The following TPD52L1 variants were observed in gnomAD, a reference collection of about 807,000 sequenced individuals.
The protein encoded by TPD52L1 is tumor protein D53.
Under a neutral mutation model 28.7 loss-of-function variants are expected in TPD52L1, and 18 were observed. The observed-to-expected ratio is 0.63, with a 90% CI of 0.43 to 0.93. TPD52L1 has a LOEUF of 0.93. Among genes scored for constraint, TPD52L1 ranks in the 40% least tolerant of loss-of-function variants. The probability of loss-of-function intolerance (pLI) is 0.00; values close to 1 mark genes in which losing one functional copy is unlikely to be tolerated. For missense variants in TPD52L1, 203 were observed against 254.8 expected (o/e 0.80, Z 1.39); for synonymous variants, 75 against 88.8 (o/e 0.84, Z 0.88).
intron 1 of TPD52L1, among the ~76,000 whole-genome samples, chr6:125,194,018 G>C (rs566612979): frequency 6.8e-5 from 9 of 131,790 alleles, no homozygotes; most frequent in African/African-American, 2.8e-4. Flanking sequence ...AAAGTCTTCT[G>C]AATAGTTTTT....
chr6:125,181,448 T>A (rs1792192747), intron 1 of TPD52L1, among the ~76,000 whole-genome samples: 1 of 152,212 alleles, frequency 6.6e-6, no homozygotes, highest in Non-Finnish European at 1.5e-5. Context: ...ATGTATATGC[T>A]GTCCATTTTC....
intron 1 of TPD52L1, among the ~76,000 whole-genome samples, chr6:125,169,194 C>T (rs574581090): frequency 6.6e-6 from 1 of 152,286 alleles, no homozygotes; most frequent in East Asian, 1.9e-4. Context: ...CAGTTCTCCT[C>T]CTTCTTCTCA....
chr6:125,204,514 C>G (rs1043914640), intron 1 of TPD52L1, among the ~76,000 whole-genome samples: 4 of 152,020 alleles, frequency 2.6e-5, no homozygotes, highest in African/African-American at 7.2e-5. Context: ...GAGTCTCACT[C>G]TGTCGCCCAG....
chr6:125,164,657 G>T (rs1790757515), intron 1 of TPD52L1, among the ~76,000 whole-genome samples: 1 of 151,922 alleles, frequency 6.6e-6, no homozygotes, highest in South Asian at 2.1e-4. Context: ...ATAATTACTT[G>T]TTTACACGAA....
intron 1 of TPD52L1, among the ~76,000 whole-genome samples, chr6:125,165,748 C>T (rs1460875649): frequency 6.6e-6 from 1 of 152,060 alleles, no homozygotes; most frequent in Non-Finnish European, 1.5e-5. Flanking sequence ...ATAGCAAGAG[C>T]GTCTTGTCAA....
intron 1 of TPD52L1, among the ~76,000 whole-genome samples, chr6:125,169,495 C>T (rs535508813): frequency 1.4e-4 from 22 of 152,328 alleles, no homozygotes; most frequent in Non-Finnish European, 2.8e-4. Flanking sequence ...AGTTCATCCT[C>T]ATTTCAGTTA....
intron 4 of TPD52L1, chr6:125,251,878 G>A (rs1797289133): frequency 1.4e-6 from 1 of 720,782 alleles, no homozygotes; most frequent in Non-Finnish European, 2.3e-6. Context: ...TAAAAAGTCA[G>A]TGTAATCAAG....
chr6:125,154,446 G>A, intron 1 of TPD52L1: 2 of 987,118 alleles, frequency 2.0e-6, no homozygotes, highest in Non-Finnish European at 2.4e-6. Context: ...TCCGCAGCCC[G>A]GCTGCGCGAG....
chr6:125,190,085 G>A (rs1792933655), intron 1 of TPD52L1, among the ~76,000 whole-genome samples: 1 of 152,024 alleles, frequency 6.6e-6, no homozygotes, highest in Admixed American at 6.6e-5. Flanking sequence ...TAAGACATTT[G>A]CCATGTCTTT....
intron 1 of TPD52L1, chr6:125,214,528 CTTTT>C: frequency 1.2e-6 from 1 of 845,674 alleles, no homozygotes; most frequent in Non-Finnish European, 1.4e-6. Context: ...CTGGGCTTGG[CTTTT>C]GCTATGCCAA....
chr6:125,172,617 T>TTA (rs71783721), intron 1 of TPD52L1, among the ~76,000 whole-genome samples: 4 of 111,602 alleles, frequency 3.6e-5, no homozygotes, highest in Non-Finnish European at 5.1e-5. Context: ...ATATATATAA[T>TTA]TATATATATA....
At chr6:125,187,087 CAATAT>C (rs1268514857) in intron 1 of TPD52L1, among the ~76,000 whole-genome samples, 6 of 151,474 alleles carry the variant, frequency 4.0e-5, no homozygotes, top group Admixed American at 3.3e-4. Context: ...AATATCAATA[CAATAT>C]GAAAAAAATC....
rs1791369251 is a variant in TPD52L1 at position 125,172,108 on chromosome 6, CTTTCTTTCTTTCTTTCTTT to C, written c.19+18139_19+18157del. Among the ~76,000 whole-genome samples, 577 of 69,622 alleles carry C rather than the reference CTTTCTTTCTTTCTTTCTTT, an allele frequency of 8.3e-3. 26 individuals are homozygous for C. The highest frequency in any genetic ancestry group is 0.027 in the African/African-American group (519 of 19,434). The allele number at this position is 69,622 out of a possible 152,430, so 45.7% of individuals were successfully genotyped here. A position where few individuals can be genotyped will look rare whatever the true frequency, so the allele number is the denominator to read the frequency against. On this transcript the variant is annotated intron_variant, in intron 1 of 6. Transcript: ENST00000534000. The stretch of plus-strand genomic sequence containing the variant: ...TTTCTTTCTTTCTTTCCCTTTCTTT[CTTTCTTTCTTTCTTTCTTT>C]CTTTCTTTCTTTCTTTCTTTCTTTC...
At chr6:125,194,130 G>A (rs1793254808) in intron 1 of TPD52L1, among the ~76,000 whole-genome samples, 1 of 144,934 alleles carries the variant, frequency 6.9e-6, no homozygotes, top group South Asian at 2.2e-4. Context: ...TGTGGATTTT[G>A]AGTTTTTGTT....
chr6:125,179,867 A>G (rs951150150), intron 1 of TPD52L1, among the ~76,000 whole-genome samples: 4 of 152,164 alleles, frequency 2.6e-5, no homozygotes, highest in African/African-American at 9.7e-5. Context: ...CATGCACTAT[A>G]CCATTATTTG....
rs1289280670 is a variant in TPD52L1, at chr6:125,262,992, A to C, written c.*30A>C. 4 of 1,594,872 alleles carry C rather than the reference A, an allele frequency of 2.5e-6. No homozygotes were observed. Reference sequence around the variant, plus strand: ...AGCCAGCGTGCAGCTGCATCCAGAAACCGGCCACTACCCAGCCCATCTCTG... The same window carrying C: ...AGCCAGCGTGCAGCTGCATCCAGAACCCGGCCACTACCCAGCCCATCTCTG... On this transcript the variant is annotated 3_prime_UTR_variant, in exon 7 of 7. Coordinates refer to ENST00000534000, the MANE Select transcript of TPD52L1 (RefSeq NM_003287.4).
rs1562411555 is a variant in TPD52L1 at position 125,261,006 on chromosome 6, GAAA to G, written c.487-1827_487-1825del. The G allele has an allele frequency of 4.5e-4, 20 of 44,312 alleles. 2 individuals carry two copies. The highest frequency in any genetic ancestry group is 2.4e-3 in the African/African-American group (14 of 5,904). 2.7% of individuals were successfully genotyped at this position (44,312 alleles called of 1,614,324 possible). ...GAAAAGAAAGAAAGAAAGAAAGAAA[GAAA>G]GAAAGAAAGAAAAGAAAAGAAAGAA... is the stretch of plus-strand genomic sequence containing the variant. On this transcript the variant is annotated intron_variant, in intron 6 of 6. Transcript: ENST00000534000.
At position 125,229,267 on chromosome 6, in the gene TPD52L1, G is replaced by GT. The variant is rs769408347; in HGVS notation, c.284+2dup. 1.2e-6 allele frequency: 2 copies of GT among 1,610,580 alleles called. No homozygotes were observed. The highest frequency in any genetic ancestry group is 1.7e-6 in the Non-Finnish European group (2 of 1,178,582). ...GGCATGACATGCAGACTACCACTGCGTAAGTATCATATGAACAGTGTTTTA... is the reference window on the plus strand; with the variant it reads ...GGCATGACATGCAGACTACCACTGCGTTAAGTATCATATGAACAGTGTTTTA... On this transcript the variant is annotated splice_donor_variant, in intron 3 of 6. Coordinates refer to ENST00000534000, the MANE Select transcript of TPD52L1 (RefSeq NM_003287.4). LOFTEE classifies it high-confidence loss of function.
intron 3 of TPD52L1, among the ~76,000 whole-genome samples, chr6:125,241,292 T>G (rs1796597202): frequency 6.6e-6 from 1 of 152,236 alleles, no homozygotes; most frequent in East Asian, 1.9e-4. Flanking sequence ...TCTTGTTATG[T>G]CCTTTCCTGG....
Sources: allele counts gnomAD v4.1 joint callset (sites outside exome capture counted in the v4.1 genomes callset), GRCh38; gene constraint gnomAD v4.1.1; transcripts MANE v1.5; gene names NCBI Gene and HGNC (gene_info 2026-07-23, HGNC 2026-07-21).